CCDC144A: variants seen among roughly 807,000 people sequenced by gnomAD.
The protein encoded by CCDC144A is coiled-coil domain containing 144A.
In CCDC144A, 41 loss-of-function variants were observed where a neutral mutation model predicts 143.8. The observed-to-expected ratio is 0.29, with a 90% CI of 0.22 to 0.37. The LOEUF (loss-of-function observed/expected upper bound fraction) is 0.37, where lower values mean the gene tolerates loss of function less well. Ranked by LOEUF, CCDC144A falls within the 10% of genes least tolerant of loss-of-function variation. CCDC144A has a pLI of 1.00. For missense variants in CCDC144A, 637 were observed against 1,488.8 expected (o/e 0.43, Z 9.41); for synonymous variants, 242 against 517.9 (o/e 0.47, Z 7.23).
At chr17:16,715,897 T>A (rs571612709) in intron 6 of CCDC144A, among the ~76,000 whole-genome samples, 2 of 151,898 alleles carry the variant, frequency 1.3e-5, no homozygotes, top group Admixed American at 6.5e-5. Context: ...TTTAATTGGC[T>A]GTCTTTCCAA....
At chr17:16,678,593 T>G in the CCDC144A span, among the ~76,000 whole-genome samples, 1 of 150,314 alleles carries the variant, frequency 6.7e-6, no homozygotes, top group Non-Finnish European at 1.5e-5. Flanking sequence ...TTCTTTTTTT[T>G]TTTTTTTGAC....
chr17:16,668,074 C>T, the CCDC144A span, among the ~76,000 whole-genome samples: 1 of 147,648 alleles, frequency 6.8e-6, no homozygotes, highest in African/African-American at 2.5e-5. Context: ...TGTCTCTTTT[C>T]GTTTCTCATG....
intron 12 of CCDC144A, among the ~76,000 whole-genome samples, chr17:16,753,960 T>G (rs1265719674): frequency 1.5e-4 from 23 of 152,238 alleles, no homozygotes; most frequent in Non-Finnish European, 1.6e-4. Context: ...ACTTACCCAG[T>G]TTTAGACCTT....
intron 2 of CCDC144A, among the ~76,000 whole-genome samples, chr17:16,701,119 C>T (rs574634086): frequency 4.6e-5 from 7 of 152,114 alleles, no homozygotes; most frequent in Non-Finnish European, 7.4e-5. Context: ...TTGCAATTTT[C>T]AAGGTGACTC....
At chr17:16,752,281 C>T (rs542015268) in intron 12 of CCDC144A, among the ~76,000 whole-genome samples, 2 of 152,276 alleles carry the variant, frequency 1.3e-5, no homozygotes, top group Admixed American at 6.5e-5. Flanking sequence ...TAATGCCTGA[C>T]GATCTGAGGT....
Position 16,734,996 on chromosome 17 carries a change from C to T in CCDC144A, c.2725C>T (p.Leu909=). ...GAATGGGAAACAGAACCAAGAAAGA[C>T]TAGAAATAGAAATGGAATCATACCG... The part of the protein sequence containing the change: ...LENGKQNQER[L]EIEMESYRCR... Residue 909 remains leucine (L), a synonymous_variant, in exon 12 of 17, where the codon CTA becomes TTA. Transcript: ENST00000399273. 1.2e-6 allele frequency: 2 copies of T among 1,610,680 alleles called. No homozygotes were observed. The highest frequency in any genetic ancestry group is 1.7e-6 in the Non-Finnish European group (2 of 1,179,106).
chr17:16,759,935 G>A (rs1463757105), intron 12 of CCDC144A, among the ~76,000 whole-genome samples: 1 of 152,306 alleles, frequency 6.6e-6, no homozygotes, highest in African/African-American at 2.4e-5. Context: ...CATCAGCTGA[G>A]GTGACTTAAA....
chr17:16,736,262 G>A (rs1196308043), intron 12 of CCDC144A, among the ~76,000 whole-genome samples: 1 of 117,596 alleles, frequency 8.5e-6, no homozygotes, highest in Non-Finnish European at 1.8e-5. Flanking sequence ...TTTTTGAGAT[G>A]GAATTTTGCT....
chr17:16,746,904 C>T (rs1914562610), intron 12 of CCDC144A: 1 of 606,464 alleles, frequency 1.6e-6, no homozygotes, highest in East Asian at 2.9e-5. Context: ...CCCTCCCCTC[C>T]CTCCCCTCTA....
At position 16,762,354 on chromosome 17, in the gene CCDC144A, G is replaced by A. The variant is rs1226351930; in HGVS notation, c.3708G>A (p.Arg1236=). 1.2e-6 allele frequency: 2 copies of A among 1,603,704 alleles called. No individual in the cohort carries two copies. Among genetic ancestry groups the A allele is most frequent in the African/African-American group, 1.3e-5 (1 of 74,650 alleles). ...CTCATGAACAGTTAGTACAGTTAAGGGAGGATAATACTACTTCAATAAAAA... is the reference window on the plus strand; with the variant it reads ...CTCATGAACAGTTAGTACAGTTAAGAGAGGATAATACTACTTCAATAAAAA... ...AVSHEQLVQL[R]EDNTTSIKTQ... Residue 1236 remains arginine, a synonymous_variant, in exon 14 of 17, where the codon AGG becomes AGA. Transcript: ENST00000399273.
intron 8 of CCDC144A, among the ~76,000 whole-genome samples, chr17:16,721,877 G>A (rs1443839007): frequency 6.6e-6 from 1 of 152,166 alleles, no homozygotes; most frequent in East Asian, 1.9e-4. Context: ...TCCCTATTAT[G>A]TGATCATGAT....
the CCDC144A span, among the ~76,000 whole-genome samples, chr17:16,684,511 C>T: frequency 6.6e-6 from 1 of 151,972 alleles, no homozygotes; most frequent in Non-Finnish European, 1.5e-5. Flanking sequence ...AAAAATTAGC[C>T]AGGCGTGGTG....
chr17:16,687,233 AAGAC>A (rs777706458), upstream of CCDC144A, among the ~76,000 whole-genome samples: 61 of 152,214 alleles, frequency 4.0e-4, 1 homozygote, highest in Middle Eastern at 6.8e-3. Flanking sequence ...TTTTACATGA[AAGAC>A]AGCTGCAAAA....
chr17:16,744,730 C>CT (rs201834211), intron 12 of CCDC144A, among the ~76,000 whole-genome samples: 157 of 145,278 alleles, frequency 1.1e-3, no homozygotes, highest in Non-Finnish European at 1.4e-3. Flanking sequence ...ATTTTTCTTT[C>CT]TTTTTTTTTT....
At chr17:16,683,676 G>A in the CCDC144A span, 1 of 1,605,964 alleles carries the variant, frequency 6.2e-7, no homozygotes, top group Non-Finnish European at 8.5e-7. Context: ...AGTTTCAGAA[G>A]GGCAGGAAAA....
chr17:16,734,097 G>A lies in CCDC144A; in HGVS notation c.2419-593G>A, dbSNP rs1399092841. ...CAAGGCTACAGTGAGTCTTGATTGC[G>A]TCACTGCCCTCTAACCTGAGTGATG... On this transcript the variant is annotated intron_variant, in intron 11 of 16. Coordinates refer to ENST00000399273, the MANE Select transcript of CCDC144A (RefSeq NM_001382000.1). 1.1e-4 allele frequency among the ~76,000 whole-genome samples: 16 copies of A among 148,090 alleles called. No homozygotes were observed. In the East Asian group the frequency reaches 2.0e-3, roughly 18 times the overall value.
intron 12 of CCDC144A, among the ~76,000 whole-genome samples, chr17:16,753,427 A>AGTTTTTTTTTGTTGTTGTT: frequency 2.3e-5 from 1 of 43,486 alleles, no homozygotes; most frequent in South Asian, 8.0e-4. Flanking sequence ...AGTGTTTTGT[A>AGTTTTTTTTTGTTGTTGTT]GTTTTTTTTT....
chr17:16,692,891 TG>T (rs1911171305), intron 1 of CCDC144A, 87 bp from the exon 2 acceptor site: 1 of 1,139,242 alleles, frequency 8.8e-7, no homozygotes, highest in South Asian at 1.8e-5. Flanking sequence ...ACTCTGATAT[TG>T]TTTGAAATAC....
the CCDC144A span, chr17:16,683,375 C>A: frequency 3.0e-6 from 2 of 663,278 alleles, no homozygotes; most frequent in Non-Finnish European, 5.2e-6. Context: ...TTTAGGACAA[C>A]TCTCTTTGTA....
Sources: allele counts gnomAD v4.1 joint callset (sites outside exome capture counted in the v4.1 genomes callset), GRCh38; gene constraint gnomAD v4.1.1; transcripts MANE v1.5; gene names NCBI Gene and HGNC (gene_info 2026-07-23, HGNC 2026-07-21).